LRPPRC: variants seen among roughly 807,000 people sequenced by gnomAD.
The protein encoded by LRPPRC is leucine rich pentatricopeptide repeat containing, also known as leucine-rich PPR motif-containing protein, mitochondrial.
LRPPRC carries 120 observed loss-of-function variants against 180.3 expected under a neutral mutation model. The observed-to-expected ratio is 0.67, with a 90% CI of 0.57 to 0.77. The LOEUF is 0.77. Among genes scored for constraint, LRPPRC ranks in the 30% least tolerant of loss-of-function variants. LRPPRC has a pLI of 0.00. For missense variants in LRPPRC, 2,012 were observed against 1,657.2 expected (o/e 1.21, Z -3.72); for synonymous variants, 723 against 600.0 (o/e 1.21, Z -3.00).
At chr2:43,994,648 C>T (rs1041247772) in intron 1 of LRPPRC, among the ~76,000 whole-genome samples, 25 of 152,186 alleles carry the variant, frequency 1.6e-4, no homozygotes, top group Admixed American at 1.1e-3. Context: ...AGTCCTTACG[C>T]GAGCTCTCAA....
At chr2:43,955,655 G>A (rs977092240) in intron 14 of LRPPRC, among the ~76,000 whole-genome samples, 11 of 151,970 alleles carry the variant, frequency 7.2e-5, no homozygotes, top group Admixed American at 3.3e-4. Flanking sequence ...TGGGAGGATC[G>A]CTTGAGCCCG....
At position 43,976,881 on chromosome 2, in the gene LRPPRC, T is replaced by C. The variant is rs1374531560; in HGVS notation, c.650+113A>G. Reference sequence around the variant, plus strand: ...TACCAGATTTTCTAGATTAAAACAGTTCTGAAACAATTTCCTCCATTAGGA... The same window carrying C: ...TACCAGATTTTCTAGATTAAAACAGCTCTGAAACAATTTCCTCCATTAGGA... On this transcript the variant is annotated intron_variant, in intron 5 of 37. Transcript: ENST00000260665. 3 of 829,740 alleles carry C rather than the reference T, an allele frequency of 3.6e-6. No individual in the cohort carries two copies. The East Asian group carries it at 7.8e-5, about 22-fold the overall frequency. The allele number at this position is 829,740 out of a possible 1,614,324, so 51.4% of individuals were successfully genotyped here.
chr2:43,888,726 CAT>C lies in LRPPRC; in HGVS notation c.4129-72_4129-71del, dbSNP rs1005893973. On this transcript the variant is annotated intron_variant, in intron 37 of 37. Transcript: ENST00000260665. ...GGTGATGGTACATAACTTAAAAAAT[CAT>C]AAAACACTACCAACTGGTAGCTAAG... The C allele has an allele frequency of 4.7e-6, 4 of 846,722 alleles. No homozygotes were observed. In the African/African-American group the frequency reaches 4.9e-5, roughly 10 times the overall value. 52.5% of individuals were successfully genotyped at this position (846,722 alleles called of 1,614,324 possible). A position where few individuals can be genotyped will look rare whatever the true frequency, so the allele number is the denominator to read the frequency against.
intron 11 of LRPPRC, among the ~76,000 whole-genome samples, chr2:43,966,221 T>A (rs527988495): frequency 1.3e-5 from 2 of 151,628 alleles, no homozygotes; most frequent in East Asian, 1.9e-4. Flanking sequence ...AAATACTACA[T>A]CATCTCACTT....
chr2:43,966,589 T>A (rs945916408), intron 11 of LRPPRC, among the ~76,000 whole-genome samples: 1 of 151,888 alleles, frequency 6.6e-6, no homozygotes, highest in Non-Finnish European at 1.5e-5. Context: ...TTTGTATTTT[T>A]ACCAGAGACG....
chr2:43,971,209 CTA>C (rs1241332990), intron 11 of LRPPRC, among the ~76,000 whole-genome samples: 6 of 151,518 alleles, frequency 4.0e-5, no homozygotes, highest in African/African-American at 1.2e-4. Context: ...ATTCTCATTT[CTA>C]TGTTTTCTAA....
chr2:43,995,188 C>G (rs1402923657), intron 1 of LRPPRC, among the ~76,000 whole-genome samples: 1 of 152,206 alleles, frequency 6.6e-6, no homozygotes, highest in Non-Finnish European at 1.5e-5. Flanking sequence ...TTGCAGTGAG[C>G]TGAGATCGCG....
Position 43,889,739 on chromosome 2 carries a change from G to A in LRPPRC, c.4123C>T (p.Pro1375Ser), listed in dbSNP as rs1034658027. ...YAGEPVPFIEPPESFEFYAQQ... is the reference protein window; with the variant it reads ...YAGEPVPFIESPESFEFYAQQ... ...CTTAATTAAGAAATACTCACAGGGG[G>A]TTCAATGAAAGGGACAGGCTCTCCA... The change falls in exon 37 of 38, where the codon CCC becomes TCC. Residue 1375 changes from proline (P) to serine (S), a missense_variant. Transcript: ENST00000260665. 2 of 1,611,502 alleles carry A rather than the reference G, an allele frequency of 1.2e-6. No individual in the cohort carries two copies. Among genetic ancestry groups the A allele is most frequent in the Non-Finnish European group, 8.5e-7 (1 of 1,177,630 alleles).
intron 1 of LRPPRC, among the ~76,000 whole-genome samples, chr2:43,982,752 C>G (rs1204018839): frequency 6.6e-6 from 1 of 152,116 alleles, no homozygotes; most frequent in African/African-American, 2.4e-5. Flanking sequence ...CTCTCCTTAA[C>G]CAAAACAAGG....
intron 1 of LRPPRC, among the ~76,000 whole-genome samples, chr2:43,982,831 T>A (rs569845674): frequency 2.0e-5 from 3 of 152,292 alleles, no homozygotes; most frequent in African/African-American, 4.8e-5. Flanking sequence ...ACAAGAGATC[T>A]AAAATATATC....
At chr2:43,942,028 C>G (rs1672500476) in intron 23 of LRPPRC, among the ~76,000 whole-genome samples, 1 of 151,948 alleles carries the variant, frequency 6.6e-6, no homozygotes, top group African/African-American at 2.4e-5. Flanking sequence ...AGGATATAAT[C>G]AGAAGCACAG....
intron 26 of LRPPRC, 134 bp downstream of exon 26, chr2:43,925,759 G>A (rs1572927906): frequency 2.7e-6 from 2 of 734,498 alleles, no homozygotes; most frequent in African/African-American, 3.4e-5. Context: ...TTGCTTATCT[G>A]GCAAATGATC....
In LRPPRC at chr2:43,948,174, T is replaced by C; in HGVS notation, c.1868A>G (p.Tyr623Cys). The part of the protein sequence containing the change: ...KMNVKIPENI[Y>C]RGIRNLLESY... ...TTCCAGGAGATTACGAATGCCTCTG[T>C]AGATATTTTCAGGAATTTTTACATT... Residue 623 changes from tyrosine (Y) to cysteine (C), a missense_variant, in exon 18 of 38, where the codon TAC (tyrosine) becomes TGC (cysteine). Transcript: ENST00000260665. The C allele has an allele frequency of 1.2e-6, 2 of 1,606,566 alleles. No homozygotes were observed. Among genetic ancestry groups the C allele is most frequent in the Non-Finnish European group, 1.7e-6 (2 of 1,173,292 alleles).
At chr2:43,930,116 T>C (rs1172941829) in intron 25 of LRPPRC, among the ~76,000 whole-genome samples, 1 of 152,074 alleles carries the variant, frequency 6.6e-6, no homozygotes, top group African/African-American at 2.4e-5. Context: ...GGGAGATCAC[T>C]GGAATCCAAG....
At chr2:43,975,967 T>C (rs1489142249) in intron 6 of LRPPRC, among the ~76,000 whole-genome samples, 176 bp downstream of exon 6, 1 of 152,250 alleles carries the variant, frequency 6.6e-6, no homozygotes, top group Non-Finnish European at 1.5e-5. Flanking sequence ...TAGTATGCTC[T>C]ACCTCATATA....
chr2:43,971,485 T>TAAAAAAAAAAAAAAAAAAAA (rs528659622), intron 11 of LRPPRC, among the ~76,000 whole-genome samples: 18 of 62,376 alleles, frequency 2.9e-4, no homozygotes, highest in African/African-American at 5.6e-4. Context: ...TGTGTCACAG[T>TAAAAAAAAAAAAAAAAAAAA]AAAAAAAAAA....
chr2:43,932,649 C>G (rs1672133263), intron 25 of LRPPRC, among the ~76,000 whole-genome samples: 1 of 152,080 alleles, frequency 6.6e-6, no homozygotes, highest in African/African-American at 2.4e-5. Context: ...ACAACACAAT[C>G]CCTACCTTTA....
intron 15 of LRPPRC, 23 bp from the exon 16 acceptor site, chr2:43,949,682 C>T (rs775297620): frequency 1.3e-6 from 2 of 1,552,386 alleles, no homozygotes; most frequent in African/African-American, 2.7e-5. Flanking sequence ...AAAATTCGTG[C>T]ATTGCAGCAA....
intron 1 of LRPPRC, among the ~76,000 whole-genome samples, chr2:43,984,869 C>T (rs17031803): frequency 0.013 from 1,911 of 152,256 alleles, 52 homozygotes; most frequent in African/African-American, 0.044. Flanking sequence ...GGCTCCTTTA[C>T]ATTTCCTAGT....
Sources: allele counts gnomAD v4.1 joint callset (sites outside exome capture counted in the v4.1 genomes callset), GRCh38; gene constraint gnomAD v4.1.1; transcripts MANE v1.5; gene names NCBI Gene and HGNC (gene_info 2026-07-23, HGNC 2026-07-21).